COLQ: variants seen among roughly 807,000 people sequenced by gnomAD.
COLQ encodes the protein acetylcholinesterase collagenic tail peptide.
COLQ carries 48 observed loss-of-function variants against 69.0 expected under a neutral mutation model. That is an observed-to-expected ratio of 0.70 (90% CI 0.55 to 0.88). COLQ has a LOEUF of 0.88. Ranked by LOEUF, COLQ falls within the 40% of genes least tolerant of loss-of-function variation. The pLI is 0.00. For synonymous variants in COLQ, 217 were observed against 211.2 expected, an observed-to-expected ratio of 1.03 and a Z score of -0.24; for missense variants, 618 against 594.6, an observed-to-expected ratio of 1.04 and a Z score of -0.41.
intron 1 of COLQ, among the ~76,000 whole-genome samples, chr3:15,495,722 A>G (rs2062736758): frequency 6.6e-6 from 1 of 152,214 alleles, no homozygotes; most frequent in Non-Finnish European, 1.5e-5. Flanking sequence ...TCTCAGTGGT[A>G]AAATAATATG....
chr3:15,468,447 C>CCCAAGCAACTCCTGCCTA (rs1559517097), intron 11 of COLQ, among the ~76,000 whole-genome samples: 2 of 150,732 alleles, frequency 1.3e-5, no homozygotes, highest in African/African-American at 4.9e-5. Flanking sequence ...ACTCCTGCCT[C>CCCAAGCAACTCCTGCCTA]AGTTTCCCAA....
Position 15,458,284 on chromosome 3 carries a change from C to G in COLQ, c.856G>C (p.Gly286Arg), listed in dbSNP as rs200403785. 3.1e-6 allele frequency: 5 copies of G among 1,614,082 alleles called. No individual in the cohort carries two copies. Among genetic ancestry groups the G allele is most frequent in the Non-Finnish European group, 3.4e-6 (4 of 1,179,996 alleles). Residue 286 changes from glycine (G) to arginine (R), a missense_variant, in exon 13 of 17, where the codon GGG becomes CGG. Physicochemically the swap from Gly to Arg is moderately radical, Grantham distance 125 (BLOSUM62 -2). Coordinates refer to ENST00000383788, the MANE Select transcript of COLQ (RefSeq NM_005677.4). The stretch of plus-strand genomic sequence containing the variant: ...CCACAAAGACATCTTCCTGGAGGCC[C>G]GGGAAATCCTCTTTCCCCTTTGGGT... ...MGPKGERGFP[G>R]PPGRCLCGPT...
chr3:15,474,848 C>A (rs548496759), intron 8 of COLQ, 77 bp downstream of exon 8: 9 of 1,510,856 alleles, frequency 6.0e-6, no homozygotes, highest in Admixed American at 1.7e-5. Context: ...GACCTGGACC[C>A]ATTCTCTGCA....
chr3:15,459,791 TTTATTA>T (rs3067773), intron 12 of COLQ, among the ~76,000 whole-genome samples: 1 of 150,104 alleles, frequency 6.7e-6, no homozygotes, highest in South Asian at 2.1e-4. Flanking sequence ...GCACCCATAT[TTTATTA>T]TTATTATTAT....
chr3:15,498,819 C>G, intron 1 of COLQ: 1 of 1,458,546 alleles, frequency 6.9e-7, no homozygotes, highest in Non-Finnish European at 9.0e-7. Context: ...CCCATGAACA[C>G]TGCTGTAGGG....
chr3:15,477,497 A>G (rs921681228), intron 5 of COLQ: 6 of 405,106 alleles, frequency 1.5e-5, no homozygotes, highest in African/African-American at 8.1e-5. Context: ...CTGCGTTCCA[A>G]TGGGTTCTTT....
intron 3 of COLQ, 72 bp downstream of exon 3, chr3:15,488,134 A>C: frequency 9.2e-7 from 1 of 1,091,160 alleles, no homozygotes; most frequent in African/African-American, 1.6e-5. Flanking sequence ...GCAGACACTA[A>C]GAGGCTCTGT....
intron 12 of COLQ, among the ~76,000 whole-genome samples, chr3:15,461,198 G>GCCCCCCC (rs1424356885): frequency 6.9e-6 from 1 of 145,248 alleles, no homozygotes; most frequent in Non-Finnish European, 1.5e-5. Flanking sequence ...TTCCCCCCCC[G>GCCCCCCC]ACCTCTTAGC....
chr3:15,461,272 T>C (rs1356501035), intron 12 of COLQ, among the ~76,000 whole-genome samples: 1 of 149,966 alleles, frequency 6.7e-6, no homozygotes, highest in Non-Finnish European at 1.5e-5. Flanking sequence ...CCCAGCACCA[T>C]CTGGTCCCAC....
chr3:15,507,414 A>G (rs1240520411), intron 1 of COLQ, among the ~76,000 whole-genome samples: 2 of 152,186 alleles, frequency 1.3e-5, no homozygotes, highest in African/African-American at 4.8e-5. Context: ...GCCTGTTTCC[A>G]TACACCTTCG....
At position 15,474,192 on chromosome 3, in the gene COLQ, C is replaced by T. The variant is rs2062338611; in HGVS notation, c.600+36G>A. 2.5e-6 allele frequency: 4 copies of T among 1,612,886 alleles called. No homozygotes were observed. In the East Asian group the frequency reaches 6.7e-5, roughly 27 times the overall value. On this transcript the variant is annotated intron_variant, in intron 9 of 16. Transcript: ENST00000383788. ...GGGTGGGGGCTGCTACTTGCACTGA[C>T]ATTTATCATTTCTATGGAAAGGTTT...
At chr3:15,517,962 T>G (rs1174139333) in intron 1 of COLQ, among the ~76,000 whole-genome samples, 1 of 152,196 alleles carries the variant, frequency 6.6e-6, no homozygotes, top group Non-Finnish European at 1.5e-5. Context: ...GTTTGTTTTT[T>G]TAAACGAAGT....
chr3:15,456,274 T>A lies in COLQ; in HGVS notation c.1074+186A>T, dbSNP rs111725562. Among the ~76,000 whole-genome samples the A allele has an allele frequency of 1.1e-3, 164 of 152,122 alleles. 3 individuals are homozygous for A. The South Asian group carries it at 0.033, about 31-fold the overall frequency. ...CCCTGGCTCAGAGAGGGGCTTCTAT[T>A]TGGGAGTCAGGGTGGGGGAATGGAG... is the stretch of plus-strand genomic sequence containing the variant. On this transcript the variant is annotated intron_variant, in intron 14 of 16. Transcript: ENST00000383788.
chr3:15,494,565 T>C (rs73031545), intron 1 of COLQ, among the ~76,000 whole-genome samples: 14,273 of 152,114 alleles, frequency 0.094, 908 homozygotes, highest in East Asian at 0.33. Flanking sequence ...CATCTGTAGT[T>C]GGAAAGGCTT....
chr3:15,452,118 G>A (rs551606838), intron 16 of COLQ, among the ~76,000 whole-genome samples: 1 of 151,416 alleles, frequency 6.6e-6, no homozygotes, highest in South Asian at 2.1e-4. Flanking sequence ...CCAGGCTGGA[G>A]TGCAGTGGTG....
chr3:15,521,668 C>T lies in COLQ; in HGVS notation c.-43G>A, dbSNP rs762115269. 2.5e-5 allele frequency: 40 copies of T among 1,612,664 alleles called. No homozygotes were observed. The highest frequency in any genetic ancestry group is 3.2e-5 in the Non-Finnish European group (38 of 1,179,546). On this transcript the variant is annotated 5_prime_UTR_variant, in exon 1 of 17. Transcript: ENST00000383788. ...GAGGGTCAAGTTAGAAAGGAGGCTG[C>T]TGCGGAGCCTTGCTTATCTCTGCTT...
Position 15,474,036 on chromosome 3 carries a change from C to T in COLQ, c.601-1G>A, listed in dbSNP as rs772657949. 6.2e-7 allele frequency: 1 copy of T among 1,614,130 alleles called. No homozygotes were observed. Among genetic ancestry groups the T allele is most frequent in the Non-Finnish European group, 8.5e-7 (1 of 1,180,008 alleles). On this transcript the variant is annotated splice_acceptor_variant, in intron 9 of 16. Transcript: ENST00000383788. LOFTEE classifies it high-confidence loss of function. Reference sequence around the variant, plus strand: ...ACATTCCAGGAAATCCTGGGAAACCCTGTGAAAAGAGCAACAAATAATTGT... The same window carrying T: ...ACATTCCAGGAAATCCTGGGAAACCTTGTGAAAAGAGCAACAAATAATTGT...
chr3:15,457,844 C>T (rs1444445468), intron 13 of COLQ, among the ~76,000 whole-genome samples: 1 of 152,100 alleles, frequency 6.6e-6, no homozygotes, highest in Non-Finnish European at 1.5e-5. Context: ...ATCTCGAACT[C>T]CTGACCTTAT....
intron 12 of COLQ, among the ~76,000 whole-genome samples, chr3:15,462,721 CAG>C (rs1346766065): frequency 2.6e-5 from 4 of 152,220 alleles, no homozygotes; most frequent in African/African-American, 9.7e-5. Flanking sequence ...GAGGCCATAA[CAG>C]AGAGGCAATG....
Sources: allele counts gnomAD v4.1 joint callset (sites outside exome capture counted in the v4.1 genomes callset), GRCh38; gene constraint gnomAD v4.1.1; transcripts MANE v1.5; gene names NCBI Gene and HGNC (gene_info 2026-07-23, HGNC 2026-07-21).